Variants in KDM5B observed in about 807,000 individuals in gnomAD.
KDM5B encodes lysine demethylase 5B, also known as lysine-specific demethylase 5B.
In KDM5B, 144 loss-of-function variants were observed where a neutral mutation model predicts 193.4. The ratio of observed to expected loss-of-function variants is 0.74; its 90% confidence interval spans 0.65 to 0.86. The LOEUF (loss-of-function observed/expected upper bound fraction) is 0.86. Ranked by LOEUF, KDM5B falls within the 40% of genes least tolerant of loss-of-function variation. KDM5B has a pLI of 0.00. For missense variants in KDM5B, 1,833 were observed against 1,886.9 expected, an observed-to-expected ratio of 0.97 and a Z score of 0.53; for synonymous variants, 668 against 682.6, an observed-to-expected ratio of 0.98 and a Z score of 0.33.
At chr1:202,771,949 AG>A (rs1394427820) in intron 4 of KDM5B, among the ~76,000 whole-genome samples, 1 of 152,160 alleles carries the variant, frequency 6.6e-6, no homozygotes, top group Admixed American at 6.6e-5. Context: ...TAAAAAAAAA[AG>A]TTTTGAATGT....
At chr1:202,798,572 T>C (rs911233741) in intron 1 of KDM5B, among the ~76,000 whole-genome samples, 3 of 152,012 alleles carry the variant, frequency 2.0e-5, no homozygotes, top group Non-Finnish European at 4.4e-5. Flanking sequence ...ACAAAAAAAT[T>C]TGAAAAATTA....
chr1:202,737,551 G>A (rs1437433935), intron 20 of KDM5B, among the ~76,000 whole-genome samples: 1 of 152,188 alleles, frequency 6.6e-6, no homozygotes, highest in Non-Finnish European at 1.5e-5. Flanking sequence ...TATATCTCCT[G>A]TTGTGATGCA....
chr1:202,785,028 T>G (rs1029081167), intron 1 of KDM5B, among the ~76,000 whole-genome samples: 6 of 147,876 alleles, frequency 4.1e-5, no homozygotes, highest in Admixed American at 2.0e-4. Flanking sequence ...AAAAAAAAAG[T>G]ACAGACTACC....
intron 2 of KDM5B, among the ~76,000 whole-genome samples, 155 bp downstream of exon 2, chr1:202,776,862 C>T (rs1354511656): frequency 6.6e-6 from 1 of 152,150 alleles, no homozygotes. Context: ...TTTTAAAGAC[C>T]TGTTCTCTAC....
rs1654671742 is a variant in KDM5B at position 202,726,302 on chromosome 1, T to C, written c.*2734A>G. 6.6e-6 allele frequency: 1 copy of C among 152,142 alleles called. No homozygotes were observed. Among genetic ancestry groups the C allele is most frequent in the Admixed American group, 6.6e-5 (1 of 15,262 alleles). The allele number at this position is 152,142 out of a possible 1,614,324, so 9.4% of individuals were successfully genotyped here. A position where few individuals can be genotyped will look rare whatever the true frequency, so the allele number is the denominator to read the frequency against. Reference sequence around the variant, plus strand: ...TTTAGGTTAACTTAAGATAGAAAAATGAATCCCACCTCCTAGGATACTGAA... The same window carrying C: ...TTTAGGTTAACTTAAGATAGAAAAACGAATCCCACCTCCTAGGATACTGAA... On this transcript the variant is annotated 3_prime_UTR_variant, in exon 27 of 27. Coordinates refer to ENST00000367265, the MANE Select transcript of KDM5B (RefSeq NM_006618.5).
intron 1 of KDM5B, among the ~76,000 whole-genome samples, chr1:202,782,587 T>C (rs1314840754): frequency 2.0e-5 from 3 of 152,162 alleles, no homozygotes; most frequent in African/African-American, 7.2e-5. Context: ...GTGAAAATTT[T>C]GAAAAATAAT....
Position 202,742,809 on chromosome 1 carries a change from G to C in KDM5B, c.2324-4C>G. The C allele has an allele frequency of 6.2e-7, 1 of 1,610,270 alleles. No homozygotes were observed. The highest frequency in any genetic ancestry group is 8.5e-7 in the Non-Finnish European group (1 of 1,178,508). On this transcript the variant is annotated splice_polypyrimidine_tract_variant and splice_region_variant and intron_variant, in intron 16 of 26. Transcript: ENST00000367265. ...AAAGCCTTGAAGCTGACAAGGCCTA[G>C]GAATGAAGAAAAAAGTCATATTTTC...
At chr1:202,749,178 T>C (rs1655693672) in intron 13 of KDM5B, 39 bp from the exon 14 acceptor site, 6 of 1,549,754 alleles carry the variant, frequency 3.9e-6, no homozygotes, top group Non-Finnish European at 5.3e-6. Context: ...AACATTCATC[T>C]TTCTTCTATT....
In KDM5B at chr1:202,808,389, C is replaced by G. The variant is rs1297807219; in HGVS notation, c.-84G>C. 3.1e-6 allele frequency: 4 copies of G among 1,304,228 alleles called. No homozygotes were observed. In the East Asian group the frequency reaches 1.0e-4, roughly 33 times the overall value. The allele number at this position is 1,304,228 out of a possible 1,614,324, so 80.8% of individuals were successfully genotyped here. On this transcript the variant is annotated 5_prime_UTR_variant, in exon 1 of 27. Coordinates refer to ENST00000367265, the MANE Select transcript of KDM5B (RefSeq NM_006618.5). ...CCGCTCGGTCCGAGACCCGTGCAGA[C>G]GCGGCTCGAGCAACAGCAAGTCCGA... is the stretch of plus-strand genomic sequence containing the variant.
chr1:202,793,250 T>C (rs191169932), intron 1 of KDM5B, among the ~76,000 whole-genome samples: 1 of 152,322 alleles, frequency 6.6e-6, no homozygotes, highest in Admixed American at 6.5e-5. Flanking sequence ...CCAACAAATA[T>C]GTTGCTTTTG....
intron 9 of KDM5B, among the ~76,000 whole-genome samples, chr1:202,757,073 G>A (rs1656042471): frequency 7.0e-6 from 1 of 142,762 alleles, no homozygotes; most frequent in African/African-American, 2.5e-5. Flanking sequence ...GATGGGGAAG[G>A]GCAGGGCGCA....
At chr1:202,801,159 G>A (rs1447785440) in intron 1 of KDM5B, among the ~76,000 whole-genome samples, 1 of 152,094 alleles carries the variant, frequency 6.6e-6, no homozygotes, top group Non-Finnish European at 1.5e-5. Context: ...ACACTTTTGT[G>A]TATGCTTCAC....
At chr1:202,775,873 AAAAAAAATAT>A (rs1478392709) in intron 2 of KDM5B, among the ~76,000 whole-genome samples, 16 of 127,632 alleles carry the variant, frequency 1.3e-4, no homozygotes, top group African/African-American at 4.3e-4. Context: ...AAAAAAAAAA[AAAAAAAATAT>A]ATATATATAT....
At position 202,808,371 on chromosome 1, in the gene KDM5B, G is replaced by C; in HGVS notation, c.-66C>G. The C allele has an allele frequency of 2.8e-6, 4 of 1,414,252 alleles. No individual in the cohort carries two copies. Among genetic ancestry groups the C allele is most frequent in the Non-Finnish European group, 3.8e-6 (4 of 1,065,148 alleles). The allele number at this position is 1,414,252 out of a possible 1,614,324, so 87.6% of individuals were successfully genotyped here. On this transcript the variant is annotated 5_prime_UTR_variant, in exon 1 of 27. Coordinates refer to ENST00000367265, the MANE Select transcript of KDM5B (RefSeq NM_006618.5). ...GGACCGAGGCTGCGAGCTCCGCTCG[G>C]TCCGAGACCCGTGCAGACGCGGCTC... is the stretch of plus-strand genomic sequence containing the variant.
At chr1:202,804,230 T>C (rs1361868953) in intron 1 of KDM5B, among the ~76,000 whole-genome samples, 1 of 148,306 alleles carries the variant, frequency 6.7e-6, no homozygotes, top group South Asian at 2.2e-4. Context: ...ATTCGTGAAT[T>C]GTATGGTATA....
At position 202,808,289 on chromosome 1, in the gene KDM5B, G is replaced by C; in HGVS notation, c.17C>G (p.Thr6Arg). Residue 6 changes from threonine (T) to arginine (R), a missense_variant, in exon 1 of 27, where the codon ACA becomes AGA. Transcript: ENST00000367265. The stretch of plus-strand genomic sequence containing the variant: ...CGCCGGGCGCGGGCCTGGGTGCAGT[G>C]TGGTGGCCGCCTCCATCACCGCAGG... MEAAT[T>R]LHPGPRPALP... 6.2e-7 allele frequency: 1 copy of C among 1,601,436 alleles called. No individual in the cohort carries two copies. The highest frequency in any genetic ancestry group is 2.1e-4 in the Middle Eastern group (1 of 4,800).
chr1:202,765,477 T>G (rs1344982281), intron 5 of KDM5B, among the ~76,000 whole-genome samples: 1 of 152,238 alleles, frequency 6.6e-6, no homozygotes, highest in African/African-American at 2.4e-5. Context: ...GCAATATCAT[T>G]ACTATCAGGT....
rs1369577870 is a variant in KDM5B, at chr1:202,724,793, T to G, written c.*4243A>C. On this transcript the variant is annotated 3_prime_UTR_variant, in exon 27 of 27. Coordinates refer to ENST00000367265, the MANE Select transcript of KDM5B (RefSeq NM_006618.5). Reference sequence around the variant, plus strand: ...AGCAGAATCACAGTCAGTGAGAACGTATTGGCAAGGGCAGAAAGGAAGCAT... The same window carrying G: ...AGCAGAATCACAGTCAGTGAGAACGGATTGGCAAGGGCAGAAAGGAAGCAT... 2.6e-5 allele frequency: 4 copies of G among 152,190 alleles called. No homozygotes were observed. Among genetic ancestry groups the G allele is most frequent in the Non-Finnish European group, 4.4e-5 (3 of 68,044 alleles). The allele number at this position is 152,190 out of a possible 1,614,324, so 9.4% of individuals were successfully genotyped here. A position where few individuals can be genotyped will look rare whatever the true frequency, so the allele number is the denominator to read the frequency against.
intron 5 of KDM5B, among the ~76,000 whole-genome samples, chr1:202,766,708 C>T (rs1558501432): frequency 6.6e-6 from 1 of 152,124 alleles, no homozygotes. Context: ...GGCTGTCTGT[C>T]CAGGCAGCAT....
Sources: gnomAD v4.1 joint callset for allele counts (sites outside exome capture counted in the v4.1 genomes callset) on GRCh38, gnomAD v4.1.1 for gene constraint, MANE v1.5 for transcripts, NCBI Gene and HGNC (gene_info 2026-07-23, HGNC 2026-07-21) for gene names.